WDR70: variants seen among roughly 807,000 people sequenced by gnomAD.
WDR70 encodes the protein WD repeat-containing protein 70.
A neutral mutation model predicts 88.6 loss-of-function variants in WDR70; 53 were observed. That is an observed-to-expected ratio of 0.60 (90% CI 0.48 to 0.75). The LOEUF (loss-of-function observed/expected upper bound fraction) is 0.75. WDR70 is among the 30% of genes least tolerant of loss of function. WDR70 has a pLI of 0.00. For synonymous variants in WDR70, 280 were observed against 270.0 expected, an observed-to-expected ratio of 1.04 and a Z score of -0.36; for missense variants, 610 against 823.2, an observed-to-expected ratio of 0.74 and a Z score of 3.17.
At chr5:37,679,545 G>A (rs550209345) in intron 10 of WDR70, among the ~76,000 whole-genome samples, 10 of 152,288 alleles carry the variant, frequency 6.6e-5, no homozygotes, top group South Asian at 2.1e-4. Context: ...GCAGAACAGC[G>A]GATTTTCGTG....
chr5:37,726,865 T>G lies in WDR70; in HGVS notation c.1715-18T>G. On this transcript the variant is annotated intron_variant, in intron 16 of 17. Coordinates refer to ENST00000265107, the MANE Select transcript of WDR70 (RefSeq NM_018034.4). The stretch of plus-strand genomic sequence containing the variant: ...TGCTCATTCAGTTTCTAATTTGGTT[T>G]TTTTTCTTTTGCAATAGGTCGTGGT... 6.4e-7 allele frequency: 1 copy of G among 1,574,402 alleles called. No homozygotes were observed.
intron 8 of WDR70, among the ~76,000 whole-genome samples, chr5:37,498,825 T>C (rs1740307939): frequency 6.6e-6 from 1 of 152,080 alleles, no homozygotes; most frequent in Non-Finnish European, 1.5e-5. Context: ...AGGTTTCGTG[T>C]GAACATGTTT....
At position 37,437,914 on chromosome 5, in the gene WDR70, TG is replaced by T. The variant is rs764136899; in HGVS notation, c.493-7del. On this transcript the variant is annotated splice_polypyrimidine_tract_variant and splice_region_variant and intron_variant, in intron 5 of 17. Transcript: ENST00000265107. ...TACCATTAATGTCATGGGGTTTTCT[TG>T]TTTCAGAATCCTGTTCACAAGATTC... 1.8e-5 allele frequency: 29 copies of T among 1,601,890 alleles called. No individual in the cohort carries two copies. The South Asian group carries it at 2.9e-4, about 16-fold the overall frequency.
chr5:37,649,730 CTTCTTT>C (rs1745340313), intron 10 of WDR70, among the ~76,000 whole-genome samples: 2 of 48,848 alleles, frequency 4.1e-5, no homozygotes, highest in South Asian at 1.8e-3. Context: ...GATGTTATTA[CTTCTTT>C]TTTTTTTTTT....
chr5:37,480,871 G>A (rs1330488335), intron 8 of WDR70, among the ~76,000 whole-genome samples: 1 of 152,104 alleles, frequency 6.6e-6, no homozygotes, highest in East Asian at 1.9e-4. Context: ...CCACCTATGA[G>A]CCTGTAAAAT....
intron 13 of WDR70, among the ~76,000 whole-genome samples, chr5:37,717,750 G>T (rs1433908710): frequency 2.0e-5 from 3 of 152,198 alleles, no homozygotes; most frequent in African/African-American, 7.2e-5. Flanking sequence ...GTTTGGTTTG[G>T]CAGGTAGCCA....
intron 8 of WDR70, among the ~76,000 whole-genome samples, chr5:37,494,111 G>A (rs916127019): frequency 1.3e-5 from 2 of 152,316 alleles, no homozygotes; most frequent in African/African-American, 4.8e-5. Context: ...GAGCCACCAC[G>A]TCTGGCTGGA....
intron 10 of WDR70, among the ~76,000 whole-genome samples, chr5:37,675,576 C>G (rs1296590625): frequency 6.6e-6 from 1 of 152,056 alleles, no homozygotes. Flanking sequence ...GGGCTCTGTT[C>G]TGTTCCATTG....
chr5:37,410,284 C>T (rs1344485380), intron 5 of WDR70, among the ~76,000 whole-genome samples: 1 of 151,312 alleles, frequency 6.6e-6, no homozygotes, highest in African/African-American at 2.4e-5. Context: ...AGAAATCTGC[C>T]TGCCATGGCC....
intron 17 of WDR70, among the ~76,000 whole-genome samples, chr5:37,741,437 C>G (rs1748475764): frequency 6.6e-6 from 1 of 151,974 alleles, no homozygotes; most frequent in Non-Finnish European, 1.5e-5. Flanking sequence ...CTTTTTGGCA[C>G]CAGGGACTAG....
intron 9 of WDR70, among the ~76,000 whole-genome samples, chr5:37,571,801 T>G (rs546673186): frequency 3.3e-5 from 5 of 152,316 alleles, no homozygotes; most frequent in African/African-American, 1.2e-4. Context: ...TGTTCTGACA[T>G]TTTATTGCAG....
At chr5:37,506,951 C>T in intron 8 of WDR70, 1 of 728,224 alleles carries the variant, frequency 1.4e-6, no homozygotes. Context: ...CTTCCCTCCA[C>T]CCACTTGGAT....
chr5:37,505,734 A>G, intron 8 of WDR70: 1 of 1,287,330 alleles, frequency 7.8e-7, no homozygotes, highest in Non-Finnish European at 1.1e-6. Flanking sequence ...CATCTCTTCA[A>G]ATATAGCTCC....
At position 37,714,960 on chromosome 5, in the gene WDR70, G is replaced by A. The variant is rs569689239; in HGVS notation, c.1417-6155G>A. Among the ~76,000 whole-genome samples the A allele has an allele frequency of 5.3e-5, 8 of 152,156 alleles. No homozygotes were observed. In the South Asian group the frequency reaches 1.7e-3, roughly 32 times the overall value. The stretch of plus-strand genomic sequence containing the variant: ...TCTCATGATGAAATTCTTTAAGCAG[G>A]TTTATTATCAGATACAGATGGGATT... On this transcript the variant is annotated intron_variant, in intron 13 of 17. Transcript: ENST00000265107.
intron 10 of WDR70, among the ~76,000 whole-genome samples, chr5:37,610,283 A>AT (rs1744153850): frequency 6.6e-6 from 1 of 151,900 alleles, no homozygotes. Flanking sequence ...AAAAAAAAAA[A>AT]AATTTGTTTT....
intron 9 of WDR70, among the ~76,000 whole-genome samples, chr5:37,524,626 T>A (rs574586902): frequency 1.3e-5 from 2 of 152,252 alleles, no homozygotes; most frequent in Admixed American, 6.5e-5. Flanking sequence ...AATTCACACA[T>A]AGCAATATTA....
chr5:37,585,300 T>C (rs12654893), intron 9 of WDR70, among the ~76,000 whole-genome samples: 71,213 of 151,998 alleles, frequency 0.47, 18,262 homozygotes, highest in Non-Finnish European at 0.58. Context: ...TCCTTGTCCA[T>C]TTTTTAAGGC....
chr5:37,483,371 T>C (rs1445077794), intron 8 of WDR70, among the ~76,000 whole-genome samples: 2 of 152,120 alleles, frequency 1.3e-5, no homozygotes, highest in Non-Finnish European at 2.9e-5. Flanking sequence ...TTAATCCATT[T>C]AACCCTGAGT....
intron 9 of WDR70, among the ~76,000 whole-genome samples, chr5:37,591,251 C>T (rs139688861): frequency 2.7e-3 from 413 of 152,080 alleles, no homozygotes; most frequent in African/African-American, 9.6e-3. Flanking sequence ...GAGAATCTCT[C>T]GAACCTGGGA....
Sources: gnomAD v4.1 joint callset for allele counts (sites outside exome capture counted in the v4.1 genomes callset) on GRCh38, gnomAD v4.1.1 for gene constraint, MANE v1.5 for transcripts, NCBI Gene and HGNC (gene_info 2026-07-23, HGNC 2026-07-21) for gene names.